Variants in MAP4K1 observed in about 807,000 individuals in gnomAD.
MAP4K1 encodes the protein mitogen-activated protein kinase kinase kinase kinase 1.
Under a neutral mutation model 122.8 loss-of-function variants are expected in MAP4K1, and 35 were observed. The observed-to-expected ratio is 0.29, with a 90% CI of 0.22 to 0.38. The LOEUF is 0.38. MAP4K1 is among the 10% of genes least tolerant of loss of function. The probability of loss-of-function intolerance (pLI) is 1.00; values close to 1 mark genes in which losing one functional copy is unlikely to be tolerated. For synonymous variants in MAP4K1, 412 were observed against 421.3 expected (o/e 0.98, Z 0.27); for missense variants, 791 against 1,072.6 (o/e 0.74, Z 3.67).
chr19:38,597,146 T>C lies in MAP4K1; in HGVS notation c.1838-9A>G, dbSNP rs1974915526. ...AGAGCTCGCACCCTCCGCTGTGGCA[T>C]GGGCAAGGATGAGTCAAGATCAATG... is the stretch of plus-strand genomic sequence containing the variant. On this transcript the variant is annotated splice_polypyrimidine_tract_variant and intron_variant, in intron 24 of 30. Transcript: ENST00000396857. This position sits in a 1 kb window ranked among gnomAD's most constrained non-coding sequence, Gnocchi z 4.6. The C allele has an allele frequency of 6.2e-7, 1 of 1,613,742 alleles. No homozygotes were observed. The highest frequency in any genetic ancestry group is 1.1e-5 in the South Asian group (1 of 91,092).
chr19:38,609,158 C>T (rs756173394), intron 13 of MAP4K1, among the ~76,000 whole-genome samples: 2 of 151,982 alleles, frequency 1.3e-5, no homozygotes, highest in Non-Finnish European at 2.9e-5. Flanking sequence ...GTCCTTGAGA[C>T]GGTCTCGCTC....
rs150439692 is a variant in MAP4K1 at position 38,600,032 on chromosome 19, C to T, written c.1608+45G>A. The stretch of plus-strand genomic sequence containing the variant: ...GCTCTGGTGACACCCCAGCAACCCC[C>T]GACTCCGGCCCTTGCCCTTGCCCTG... On this transcript the variant is annotated intron_variant, in intron 21 of 30. Transcript: ENST00000396857. The T allele has an allele frequency of 2.0e-5, 32 of 1,614,116 alleles. 1 individual carries two copies. Among genetic ancestry groups the T allele is most frequent in the Middle Eastern group, 3.3e-4 (2 of 6,062 alleles).
chr19:38,615,972 A>T (rs947463012), intron 4 of MAP4K1, among the ~76,000 whole-genome samples: 2 of 126,880 alleles, frequency 1.6e-5, no homozygotes, highest in Non-Finnish European at 3.4e-5. Context: ...CAGTTATATT[A>T]AAAAAAAAAA....
At position 38,607,896 on chromosome 19, in the gene MAP4K1, C is replaced by G. The variant is rs1975376571; in HGVS notation, c.1125G>C (p.Glu375Asp). 1 of 1,612,306 alleles carries G rather than the reference C, an allele frequency of 6.2e-7. No homozygotes were observed. Among genetic ancestry groups the G allele is most frequent in the Non-Finnish European group, 8.5e-7 (1 of 1,179,360 alleles). ...CGTCGTCATAGTCATCGTCAGACGA[C>G]TCTGACAGTTGCTTCCTGAAGGGTG... ...RSSSPRKQLSESSDDDYDDVD... is the reference protein window; with the variant it reads ...RSSSPRKQLSDSSDDDYDDVD... Residue 375 changes from glutamate (E) to aspartate (D), a missense_variant, in exon 16 of 31, where the codon GAG becomes GAC. Around this residue, in one of 4 missense-constraint regions of MAP4K1, gnomAD observed 303 missense variants for 344.8 expected, o/e 0.88. Transcript: ENST00000396857.
At chr19:38,606,514 A>G (rs1975333851) in intron 16 of MAP4K1, among the ~76,000 whole-genome samples, 1 of 151,738 alleles carries the variant, frequency 6.6e-6, no homozygotes, top group Non-Finnish European at 1.5e-5. Flanking sequence ...AAAATTAGCC[A>G]GGCGTGGCAG....
intron 17 of MAP4K1, 33 bp from the exon 18 acceptor site, chr19:38,605,763 C>T (rs747783974): frequency 1.3e-6 from 2 of 1,586,250 alleles, no homozygotes; most frequent in East Asian, 2.3e-5. Context: ...TGGGGAAATA[C>T]ATCAGATGAT....
chr19:38,602,756 A>G (rs140871551), intron 19 of MAP4K1, among the ~76,000 whole-genome samples: 7,647 of 146,404 alleles, frequency 0.052, 492 homozygotes, highest in East Asian at 0.25. Flanking sequence ...ACATGTACAT[A>G]TATACGCATA....
In MAP4K1 at chr19:38,611,824, C is replaced by T. The variant is rs141154294; in HGVS notation, c.666-519G>A. Among the ~76,000 whole-genome samples, 159 of 150,908 alleles carry T rather than the reference C, an allele frequency of 1.1e-3. 2 individuals carry two copies. In the East Asian group the frequency reaches 0.027, roughly 26 times the overall value. Reference sequence around the variant, plus strand: ...TTAATTAATTTAAAAAATGTCTGGGCGTGGTGGCTCACACCTTTAATCCCA... The same window carrying T: ...TTAATTAATTTAAAAAATGTCTGGGTGTGGTGGCTCACACCTTTAATCCCA... On this transcript the variant is annotated intron_variant, in intron 9 of 30. Coordinates refer to ENST00000396857, the MANE Select transcript of MAP4K1 (RefSeq NM_001042600.3).
In MAP4K1 at chr19:38,617,867, T is replaced by C. The variant is rs751124465; in HGVS notation, c.29A>G (p.Asn10Ser). Residue 10 changes from asparagine (N) to serine (S), a missense_variant, in exon 1 of 31, where the codon AAT (asparagine) becomes AGT (serine). By Grantham distance (46) the Asn-to-Ser change is conservative. Coordinates refer to ENST00000396857, the MANE Select transcript of MAP4K1 (RefSeq NM_001042600.3). The surrounding 1 kb of genome is among the most constrained non-coding windows in gnomAD (Gnocchi z 4.1). ...GTCATAGTGGTCCCGGGGGTCTCTA[T>C]TGAAAATGTCAGGGTCCACGACGTC... Reference protein sequence around the residue: MDVVDPDIFNRDPRDHYDLL... With the variant: MDVVDPDIFSRDPRDHYDLL... 8 of 1,614,100 alleles carry C rather than the reference T, an allele frequency of 5.0e-6. No homozygotes were observed. Among genetic ancestry groups the C allele is most frequent in the Admixed American group, 3.3e-5 (2 of 60,014 alleles).
intron 27 of MAP4K1, 90 bp downstream of exon 27, chr19:38,595,848 AG>A: frequency 6.6e-7 from 1 of 1,510,674 alleles, no homozygotes; most frequent in South Asian, 1.1e-5. Context: ...AGAGGGGCTC[AG>A]GGGGTTCTGA....
At chr19:38,602,625 C>CAT (rs576712549) in intron 19 of MAP4K1, among the ~76,000 whole-genome samples, 4 of 143,906 alleles carry the variant, frequency 2.8e-5, no homozygotes, top group East Asian at 2.1e-4. Flanking sequence ...TACACATATA[C>CAT]ATATATATAC....
At chr19:38,600,235 G>GACACT in intron 20 of MAP4K1, 82 bp from the exon 21 acceptor site, 1 of 1,097,508 alleles carries the variant, frequency 9.1e-7, no homozygotes, top group Non-Finnish European at 1.4e-6. Flanking sequence ...CTCAAACACT[G>GACACT]ACACTCTGTC....
intron 29 of MAP4K1, among the ~76,000 whole-genome samples, chr19:38,594,005 A>G (rs1200866876): frequency 1.3e-5 from 2 of 152,218 alleles, no homozygotes; most frequent in Non-Finnish European, 2.9e-5. Flanking sequence ...AGTGAGGCAC[A>G]GGAAGGTTAA....
At chr19:38,602,539 C>CATATACATATATATACACATATACAT (rs1975106860) in intron 19 of MAP4K1, among the ~76,000 whole-genome samples, 2 of 147,966 alleles carry the variant, frequency 1.4e-5, no homozygotes, top group African/African-American at 5.0e-5. Flanking sequence ...CATATATACA[C>CATATACATATATATACACATATACAT]ATATACATAT....
rs745459068 is a variant in MAP4K1, at chr19:38,595,601, T to A, written c.2269+39A>T. 1.1e-5 allele frequency: 17 copies of A among 1,613,866 alleles called. No individual in the cohort carries two copies. The South Asian group carries it at 1.8e-4, about 17-fold the overall frequency. On this transcript the variant is annotated intron_variant, in intron 28 of 30. Transcript: ENST00000396857. ...GTTACCCTTGGGGATCACTTGAGTTTCCACCCCTGATCCTGGGCTCTCCCG... is the reference window on the plus strand; with the variant it reads ...GTTACCCTTGGGGATCACTTGAGTTACCACCCCTGATCCTGGGCTCTCCCG...
At chr19:38,591,453 C>T (rs1974723555) in intron 30 of MAP4K1, among the ~76,000 whole-genome samples, 1 of 149,282 alleles carries the variant, frequency 6.7e-6, no homozygotes, top group East Asian at 2.0e-4. Flanking sequence ...CTTGCCTGAA[C>T]CCGGGAGGCA....
intron 4 of MAP4K1, among the ~76,000 whole-genome samples, chr19:38,615,525 G>C (rs1975623617): frequency 6.6e-6 from 1 of 152,072 alleles, no homozygotes; most frequent in South Asian, 2.1e-4. Context: ...GACAGATTTA[G>C]AGAGAGACCC....
At position 38,609,944 on chromosome 19, in the gene MAP4K1, G is replaced by A. The variant is rs768111144; in HGVS notation, c.892C>T (p.Pro298Ser). 6.2e-7 allele frequency: 1 copy of A among 1,614,208 alleles called. No homozygotes were observed. Among genetic ancestry groups the A allele is most frequent in the Non-Finnish European group, 8.5e-7 (1 of 1,180,018 alleles). The change falls in exon 12 of 31, where the codon CCC (proline) becomes TCC (serine). Residue 298 changes from proline to serine, a missense_variant. Around this residue, in one of 4 missense-constraint regions of MAP4K1, gnomAD observed 303 missense variants for 344.8 expected, o/e 0.88. Transcript: ENST00000396857. Reference sequence around the variant, plus strand: ...TCATCCTCAATGTCCCCAATGGAGGGTCCTTTCCCGGGATTCTTCAGTTTG... The same window carrying A: ...TCATCCTCAATGTCCCCAATGGAGGATCCTTTCCCGGGATTCTTCAGTTTG... ...LDKLKNPGKG[P>S]SIGDIEDEEP...
At chr19:38,610,530 C>T (rs768208123) in intron 11 of MAP4K1, among the ~76,000 whole-genome samples, 1 of 151,740 alleles carries the variant, frequency 6.6e-6, no homozygotes, top group African/African-American at 2.4e-5. Flanking sequence ...GGATTACAGG[C>T]GTGCGCCACT....
Sources: gnomAD v4.1 joint callset for allele counts (sites outside exome capture counted in the v4.1 genomes callset) on GRCh38, gnomAD v4.1.1 for gene constraint, gnomAD v4.1.1 regional missense constraint, Gnocchi (gnomAD v3.1) non-coding constraint, MANE v1.5 for transcripts, NCBI Gene and HGNC (gene_info 2026-07-23, HGNC 2026-07-21) for gene names.